SAMD3: variants seen among roughly 807,000 people sequenced by gnomAD.
The protein encoded by SAMD3 is sterile alpha motif domain-containing protein 3.
SAMD3 carries 63 observed loss-of-function variants against 58.5 expected under a neutral mutation model. That is an observed-to-expected ratio of 1.08 (90% CI 0.88 to 1.33). SAMD3 has a LOEUF of 1.33. Ranked by LOEUF, SAMD3 falls within the 40% of genes most tolerant of loss-of-function variation. The probability of loss-of-function intolerance (pLI) is 0.00; values close to 1 mark genes in which losing one functional copy is unlikely to be tolerated. For synonymous variants in SAMD3, 220 were observed against 210.3 expected, an observed-to-expected ratio of 1.05 and a Z score of -0.40; for missense variants, 604 against 608.4, an observed-to-expected ratio of 0.99 and a Z score of 0.08.
intron 2 of SAMD3, among the ~76,000 whole-genome samples, chr6:130,244,213 C>A (rs1012883545): frequency 1.3e-5 from 2 of 152,124 alleles, no homozygotes; most frequent in African/African-American, 4.8e-5. Context: ...GATAAAACTT[C>A]TATTTAAAAG....
chr6:130,317,045 G>A (rs1186269354), intron 1 of SAMD3, among the ~76,000 whole-genome samples: 2 of 152,172 alleles, frequency 1.3e-5, no homozygotes, highest in Non-Finnish European at 2.9e-5. Context: ...TGGATTTTTA[G>A]AATTTAATGC....
intron 1 of SAMD3, among the ~76,000 whole-genome samples, chr6:130,354,785 T>C (rs1244602441): frequency 2.6e-5 from 4 of 152,150 alleles, no homozygotes; most frequent in African/African-American, 9.7e-5. Context: ...CCTGCACATG[T>C]ACCCGTAAAC....
intron 7 of SAMD3, among the ~76,000 whole-genome samples, chr6:130,179,015 A>C (rs1049394386): frequency 6.6e-6 from 1 of 151,252 alleles, no homozygotes; most frequent in Non-Finnish European, 1.5e-5. Flanking sequence ...AATATGAACT[A>C]AAGCAAGTAT....
chr6:130,144,872 A>G, intron 11 of SAMD3, 68 bp from the exon 12 acceptor site: 2 of 1,344,464 alleles, frequency 1.5e-6, no homozygotes, highest in Non-Finnish European at 2.1e-6. Flanking sequence ...TCTGAACTTA[A>G]TCATGGTATT....
At chr6:130,211,499 G>A (rs551864129) in intron 4 of SAMD3, among the ~76,000 whole-genome samples, 24 of 151,992 alleles carry the variant, frequency 1.6e-4, no homozygotes, top group Non-Finnish European at 2.5e-4. Context: ...GGTCAGGCTG[G>A]TCTCAAACTC....
intron 1 of SAMD3, among the ~76,000 whole-genome samples, chr6:130,333,569 T>A (rs2115015289): frequency 6.6e-6 from 1 of 152,356 alleles, no homozygotes; most frequent in South Asian, 2.1e-4. Flanking sequence ...CACTGGAAGC[T>A]GAGTCTAATT....
intron 2 of SAMD3, among the ~76,000 whole-genome samples, chr6:130,269,774 T>C (rs1328913250): frequency 6.6e-6 from 1 of 151,854 alleles, no homozygotes; most frequent in Non-Finnish European, 1.5e-5. Context: ...ATTTTACTCC[T>C]CTTTTTCTAC....
chr6:130,273,767 T>C (rs1774667109), intron 2 of SAMD3, among the ~76,000 whole-genome samples: 4 of 152,172 alleles, frequency 2.6e-5, no homozygotes, highest in African/African-American at 9.6e-5. Context: ...TATGCTTTAA[T>C]TGCATGCAAA....
chr6:130,365,320 C>T, exon 1 of SAMD3: 1 of 985,616 alleles, frequency 1.0e-6, no homozygotes, highest in Non-Finnish European at 1.2e-6. Context: ...TTCCCTCTGT[C>T]TTCCATTTCC....
Position 130,324,049 on chromosome 6 carries a change from T to A in SAMD3, c.-303-10956A>T, listed in dbSNP as rs117762339. Among the ~76,000 whole-genome samples the A allele has an allele frequency of 7.4e-3, 1,123 of 152,282 alleles. 15 individuals carry two copies. Among genetic ancestry groups the A allele is most frequent in the African/African-American group, 0.023 (973 of 41,562 alleles). On this transcript the variant is annotated intron_variant, in intron 1 of 13. Transcript: ENST00000368134. ...ATTTAACATCTTGGAACTTTTTTTT[T>A]ATAACATATCAATCTTGCATGATTC...
chr6:130,301,125 C>T (rs561729849), intron 2 of SAMD3, among the ~76,000 whole-genome samples: 1 of 152,138 alleles, frequency 6.6e-6, no homozygotes, highest in Non-Finnish European at 1.5e-5. Flanking sequence ...CAGCTTCATC[C>T]ATGTCCCTGC....
intron 2 of SAMD3, among the ~76,000 whole-genome samples, chr6:130,252,242 G>C (rs1489618995): frequency 2.0e-5 from 3 of 151,868 alleles, no homozygotes; most frequent in African/African-American, 4.8e-5. Flanking sequence ...GATTTTGAAG[G>C]GTATATATAT....
At chr6:130,218,497 A>G (rs1796095981) in intron 1 of SAMD3, among the ~76,000 whole-genome samples, 1 of 152,248 alleles carries the variant, frequency 6.6e-6, no homozygotes, top group Non-Finnish European at 1.5e-5. Context: ...TAAAAACTGA[A>G]ATATTCAACT....
chr6:130,292,528 C>G (rs987224274), intron 2 of SAMD3, among the ~76,000 whole-genome samples: 6 of 151,850 alleles, frequency 4.0e-5, no homozygotes, highest in Admixed American at 1.3e-4. Context: ...CTCAGGTGAT[C>G]CACTTGCCTT....
At chr6:130,343,585 G>C (rs867741120) in intron 1 of SAMD3, among the ~76,000 whole-genome samples, 2 of 152,142 alleles carry the variant, frequency 1.3e-5, no homozygotes, top group African/African-American at 4.8e-5. Flanking sequence ...GGCTGGGTGA[G>C]TTAGGGGCTG....
intron 9 of SAMD3, among the ~76,000 whole-genome samples, chr6:130,150,733 A>G (rs1267672062): frequency 3.5e-5 from 5 of 143,478 alleles, no homozygotes; most frequent in African/African-American, 1.3e-4. Flanking sequence ...TTTTTTTGAG[A>G]CAGAATCTCA....
In SAMD3 at chr6:130,348,370, G is replaced by T. The variant is rs191472359; in HGVS notation, c.-304+16750C>A. Among the ~76,000 whole-genome samples, 1,287 of 152,214 alleles carry T rather than the reference G, an allele frequency of 8.5e-3. 19 individuals carry two copies. Among genetic ancestry groups the T allele is most frequent in the African/African-American group, 0.03 (1,227 of 41,518 alleles). On this transcript the variant is annotated intron_variant, in intron 1 of 13. Transcript: ENST00000368134. ...GAGACACACATAGGCTCAAAATAAA[G>T]GGATGGAGGAAGATCTACCAAGCAA... is the stretch of plus-strand genomic sequence containing the variant.
At chr6:130,250,588 C>A (rs1257930549) in intron 2 of SAMD3, among the ~76,000 whole-genome samples, 1 of 152,134 alleles carries the variant, frequency 6.6e-6, no homozygotes, top group Non-Finnish European at 1.5e-5. Context: ...TCCATTCCAC[C>A]CTCACCCATT....
At chr6:130,256,409 C>T (rs1398598838) in intron 2 of SAMD3, among the ~76,000 whole-genome samples, 1 of 152,138 alleles carries the variant, frequency 6.6e-6, no homozygotes, top group African/African-American at 2.4e-5. Flanking sequence ...CCAGTGACCA[C>T]TGTGCACTAA....
Sources: allele counts gnomAD v4.1 joint callset (sites outside exome capture counted in the v4.1 genomes callset), GRCh38; gene constraint gnomAD v4.1.1; transcripts MANE v1.5; gene names NCBI Gene and HGNC (gene_info 2026-07-23, HGNC 2026-07-21).